Variants in CCSER1 observed in about 807,000 individuals in gnomAD.
CCSER1 encodes the protein serine-rich coiled-coil domain-containing protein 1.
A neutral mutation model predicts 82.0 loss-of-function variants in CCSER1; 41 were observed. That is an observed-to-expected ratio of 0.50 (90% CI 0.39 to 0.65). The LOEUF (loss-of-function observed/expected upper bound fraction) is 0.65. Among genes scored for constraint, CCSER1 ranks in the 30% least tolerant of loss-of-function variants. CCSER1 has a pLI of 0.00. For synonymous variants in CCSER1, 414 were observed against 383.9 expected, an observed-to-expected ratio of 1.08 and a Z score of -0.92; for missense variants, 1,119 against 1,064.2, an observed-to-expected ratio of 1.05 and a Z score of -0.72.
At chr4:90,603,093 C>G (rs1431476670) in intron 5 of CCSER1, among the ~76,000 whole-genome samples, 3 of 152,100 alleles carry the variant, frequency 2.0e-5, no homozygotes, top group Non-Finnish European at 4.4e-5. Flanking sequence ...AATTTTCTCC[C>G]AACATATTTA....
At chr4:90,276,434 C>T (rs1052465358) in intron 1 of CCSER1, among the ~76,000 whole-genome samples, 2 of 150,590 alleles carry the variant, frequency 1.3e-5, no homozygotes. Flanking sequence ...GCAACCTTCA[C>T]CTCCTGGATT....
At chr4:90,780,334 T>A in intron 7 of CCSER1, 1 of 1,174,246 alleles carries the variant, frequency 8.5e-7, no homozygotes, top group Non-Finnish European at 1.2e-6. Flanking sequence ...CCCATCTAAA[T>A]TATCTTTAAG....
intron 3 of CCSER1, among the ~76,000 whole-genome samples, chr4:90,321,096 T>A (rs1004891272): frequency 6.6e-6 from 1 of 152,158 alleles, no homozygotes; most frequent in Admixed American, 6.6e-5. Context: ...TTTGTTATTT[T>A]AAAATATACA....
intron 7 of CCSER1, among the ~76,000 whole-genome samples, chr4:90,794,782 A>T (rs914932218): frequency 1.3e-5 from 2 of 152,126 alleles, no homozygotes; most frequent in African/African-American, 4.8e-5. Context: ...TAATGATATT[A>T]ATTATTCCTA....
rs569940019 is a variant in CCSER1, at chr4:90,215,949, AAT to A, written c.-42+88121_-42+88122del. ...GAAGACAGAGTTTGTAGTGTGTGTG[AAT>A]ATGTGTGTGTGTTCTGTATGTACGT... On this transcript the variant is annotated intron_variant, in intron 1 of 10. Transcript: ENST00000509176. 2.8e-4 allele frequency among the ~76,000 whole-genome samples: 42 copies of A among 152,200 alleles called. No homozygotes were observed. In the South Asian group the frequency reaches 8.1e-3, roughly 29 times the overall value.
intron 10 of CCSER1, among the ~76,000 whole-genome samples, chr4:91,253,134 C>A (rs948400056): frequency 5.3e-5 from 8 of 152,074 alleles, no homozygotes; most frequent in Non-Finnish European, 8.8e-5. Flanking sequence ...GACAGCAAGA[C>A]CAACTGTTCC....
chr4:91,383,321 T>C (rs115203135), intron 10 of CCSER1, among the ~76,000 whole-genome samples: 3,010 of 152,192 alleles, frequency 0.02, 76 homozygotes, highest in African/African-American at 0.067. Context: ...CTTCAAGCTT[T>C]CCTAACCATT....
chr4:91,460,938 C>T (rs1020414261), intron 10 of CCSER1, among the ~76,000 whole-genome samples: 2 of 152,088 alleles, frequency 1.3e-5, no homozygotes, highest in Admixed American at 6.5e-5. Flanking sequence ...TGAAAATCCC[C>T]TCAAAGGATA....
chr4:90,952,994 G>A (rs1042365673), intron 9 of CCSER1, among the ~76,000 whole-genome samples: 8 of 151,782 alleles, frequency 5.3e-5, no homozygotes, highest in African/African-American at 7.3e-5. Flanking sequence ...AATATTGTCC[G>A]TCTTTACCTT....
intron 3 of CCSER1, among the ~76,000 whole-genome samples, chr4:90,393,405 C>T (rs1345352767): frequency 6.6e-6 from 1 of 152,162 alleles, no homozygotes; most frequent in Non-Finnish European, 1.5e-5. Flanking sequence ...AAATGTATAT[C>T]TTGGCAGCAC....
At chr4:90,751,796 A>C (rs1436311196) in intron 7 of CCSER1, among the ~76,000 whole-genome samples, 3 of 152,028 alleles carry the variant, frequency 2.0e-5, no homozygotes, top group African/African-American at 4.8e-5. Context: ...ATTATTTTAC[A>C]TCTGTGTTTA....
At chr4:91,394,253 A>C (rs2149352958) in intron 10 of CCSER1, among the ~76,000 whole-genome samples, 1 of 152,254 alleles carries the variant, frequency 6.6e-6, no homozygotes, top group African/African-American at 2.4e-5. Context: ...GTAAAAAATT[A>C]AATATTATAG....
intron 10 of CCSER1, among the ~76,000 whole-genome samples, chr4:91,538,698 C>CATATATTATATATAATATATATTATAT: frequency 2.2e-5 from 3 of 138,340 alleles, no homozygotes; most frequent in Admixed American, 1.5e-4. Context: ...TATATATACA[C>CATATATTATATATAATATATATTATAT]ATATATATAT....
At chr4:91,433,355 T>C (rs576404983) in intron 10 of CCSER1, among the ~76,000 whole-genome samples, 1 of 152,280 alleles carries the variant, frequency 6.6e-6, no homozygotes, top group African/African-American at 2.4e-5. Flanking sequence ...CTTAATAAAG[T>C]GTAGCCTAAG....
intron 10 of CCSER1, among the ~76,000 whole-genome samples, chr4:91,584,231 AT>A (rs1192381474): frequency 6.6e-6 from 1 of 151,404 alleles, no homozygotes; most frequent in Non-Finnish European, 1.5e-5. Context: ...TCTATCACTC[AT>A]CCCCATGCCC....
chr4:91,258,423 T>C lies in CCSER1; in HGVS notation c.2217+172429T>C, dbSNP rs1338878677. Among the ~76,000 whole-genome samples the C allele has an allele frequency of 2.6e-5, 4 of 152,038 alleles. No homozygotes were observed. In the East Asian group the frequency reaches 5.8e-4, roughly 22 times the overall value. On this transcript the variant is annotated intron_variant, in intron 10 of 10. Transcript: ENST00000509176. ...AGAGCTCATATCTTTCCCAAAGCTA[T>C]GCTTCCTGCATTAAGCAAACTCTTT...
chr4:91,025,299 C>A (rs1740391217), intron 9 of CCSER1, among the ~76,000 whole-genome samples: 1 of 152,124 alleles, frequency 6.6e-6, no homozygotes, highest in Non-Finnish European at 1.5e-5. Flanking sequence ...AATTCACATA[C>A]CTCCAATTCT....
At chr4:91,197,223 A>C (rs759879598) in intron 10 of CCSER1, among the ~76,000 whole-genome samples, 3 of 152,180 alleles carry the variant, frequency 2.0e-5, no homozygotes, top group Non-Finnish European at 4.4e-5. Flanking sequence ...ACAGCTAAAC[A>C]TCTGCCAGAT....
chr4:91,548,555 T>C (rs893302626), intron 10 of CCSER1, among the ~76,000 whole-genome samples: 5 of 118,612 alleles, frequency 4.2e-5, no homozygotes, highest in Admixed American at 8.7e-5. Context: ...TGGCAACAAA[T>C]TCCTTCAATT....
Sources: gnomAD v4.1 joint callset for allele counts (sites outside exome capture counted in the v4.1 genomes callset) on GRCh38, gnomAD v4.1.1 for gene constraint, MANE v1.5 for transcripts, NCBI Gene and HGNC (gene_info 2026-07-23, HGNC 2026-07-21) for gene names.